Variants in SAMMSON observed in about 807,000 individuals in gnomAD.
The protein encoded by SAMMSON is survival associated mitochondrial melanoma specific oncogenic non-coding RNA.
chr3:70,074,324 C>G (rs1389424705), intron 4 of SAMMSON, among the ~76,000 whole-genome samples: 6 of 151,970 alleles, frequency 3.9e-5, no homozygotes, highest in African/African-American at 1.2e-4. Context: ...AAAGCTTGAG[C>G]CAAATTTCAA....
At chr3:70,086,768 A>C (rs2067286788) in intron 4 of SAMMSON, among the ~76,000 whole-genome samples, 1 of 152,186 alleles carries the variant, frequency 6.6e-6, no homozygotes, top group Non-Finnish European at 1.5e-5. Context: ...TCTCATACTG[A>C]TTATGATTAG....
intron 2 of SAMMSON, among the ~76,000 whole-genome samples, chr3:70,401,673 G>C (rs75039975): frequency 0.01 from 1,574 of 151,948 alleles, 13 homozygotes; most frequent in Non-Finnish European, 0.017. Flanking sequence ...TGAAAGTGTG[G>C]TTAAGATTTA....
intron 3 of SAMMSON, among the ~76,000 whole-genome samples, chr3:70,055,348 G>A (rs2067163076): frequency 6.6e-6 from 1 of 152,136 alleles, no homozygotes; most frequent in East Asian, 1.9e-4. Context: ...TCTGATCCAT[G>A]AATTTGTCTA....
chr3:70,336,193 T>C (rs748364802), intron 7 of SAMMSON, among the ~76,000 whole-genome samples: 2 of 152,180 alleles, frequency 1.3e-5, no homozygotes, highest in East Asian at 3.9e-4. Context: ...ATCATGGCTT[T>C]AGCTTGAAAA....
rs930519424 is a variant in SAMMSON, at chr3:70,383,360, C to A, written n.914-6214C>A. ...TTAAAATAAAAATAAAAAAAAAAAA[C>A]AACCTTATGGTCCTCCTTTTAGCTA... On this transcript the variant is annotated intron_variant and non_coding_transcript_variant, in intron 9 of 9. Coordinates refer to ENST00000642114, the Ensembl canonical transcript of SAMMSON. Among the ~76,000 whole-genome samples, 26 of 127,132 alleles carry A rather than the reference C, an allele frequency of 2.0e-4. 1 individual carries two copies. Among genetic ancestry groups the A allele is most frequent in the Admixed American group, 1.4e-3 (18 of 12,712 alleles). The allele number at this position is 127,132 out of a possible 152,430, so 83.4% of individuals were successfully genotyped here. A position where few individuals can be genotyped will look rare whatever the true frequency, so the allele number is the denominator to read the frequency against.
intron 6 of SAMMSON, among the ~76,000 whole-genome samples, chr3:70,278,351 C>T (rs571655546): frequency 2.0e-5 from 3 of 152,072 alleles, no homozygotes; most frequent in Non-Finnish European, 4.4e-5. Context: ...AGGCTGTTCC[C>T]AGTAGTTGGA....
chr3:70,168,046 T>C (rs987818083), intron 4 of SAMMSON, among the ~76,000 whole-genome samples: 4 of 152,118 alleles, frequency 2.6e-5, no homozygotes, highest in Middle Eastern at 6.8e-3. Context: ...TAAAGCATTG[T>C]TTCCATGGCC....
chr3:70,217,492 T>A (rs889284191), intron 4 of SAMMSON, among the ~76,000 whole-genome samples: 4 of 152,170 alleles, frequency 2.6e-5, no homozygotes, highest in Non-Finnish European at 4.4e-5. Context: ...GGGAGAAGTT[T>A]GTCTATGCTC....
chr3:70,340,046 C>T (rs1304725148), intron 7 of SAMMSON, among the ~76,000 whole-genome samples: 2 of 151,982 alleles, frequency 1.3e-5, no homozygotes, highest in Non-Finnish European at 2.9e-5. Context: ...AAATGTGGCA[C>T]ATATACACCA....
chr3:70,174,323 T>C (rs891744975), intron 4 of SAMMSON, among the ~76,000 whole-genome samples: 2 of 151,972 alleles, frequency 1.3e-5, no homozygotes, highest in African/African-American at 4.8e-5. Flanking sequence ...TAATCACATG[T>C]TGATATATTT....
intron 9 of SAMMSON, chr3:70,358,451 G>A (rs1399417231): frequency 1.3e-5 from 2 of 152,148 alleles, no homozygotes; most frequent in Non-Finnish European, 2.9e-5. Flanking sequence ...CGGTATAAGA[G>A]TTAAAGGAAT....
At chr3:70,043,256 T>C (rs2067112302) in intron 3 of SAMMSON, among the ~76,000 whole-genome samples, 2 of 152,092 alleles carry the variant, frequency 1.3e-5, no homozygotes, top group Admixed American at 1.3e-4. Flanking sequence ...CCACCCCAAA[T>C]TGTTTTATCA....
intron 6 of SAMMSON, among the ~76,000 whole-genome samples, chr3:70,269,457 C>T (rs1043788612): frequency 1.3e-5 from 2 of 152,136 alleles, no homozygotes; most frequent in Non-Finnish European, 2.9e-5. Context: ...TCAAGTAAGG[C>T]AAATGCTGAA....
intron 3 of SAMMSON, among the ~76,000 whole-genome samples, chr3:70,034,425 A>G (rs1283827695): frequency 6.6e-6 from 1 of 152,222 alleles, no homozygotes; most frequent in Non-Finnish European, 1.5e-5. Flanking sequence ...AGATACTGCC[A>G]TTGATAAGAG....
At chr3:70,052,511 G>C (rs2067150316) in intron 3 of SAMMSON, among the ~76,000 whole-genome samples, 1 of 152,084 alleles carries the variant, frequency 6.6e-6, no homozygotes, top group Non-Finnish European at 1.5e-5. Flanking sequence ...TTTGTACACT[G>C]CATGTATGCT....
At chr3:70,141,428 A>G (rs1559522084) in intron 4 of SAMMSON, among the ~76,000 whole-genome samples, 1 of 152,134 alleles carries the variant, frequency 6.6e-6, no homozygotes, top group African/African-American at 2.4e-5. Context: ...TTTGTGTTCT[A>G]TTTGGGCCCT....
At chr3:70,126,150 G>A in intron 4 of SAMMSON, 5 of 1,244,126 alleles carry the variant, frequency 4.0e-6, no homozygotes, top group South Asian at 1.3e-5. Flanking sequence ...TATACTTGAG[G>A]CATGAATTAA....
chr3:70,018,490 G>T (rs370588189), intron 3 of SAMMSON, among the ~76,000 whole-genome samples: 63 of 151,876 alleles, frequency 4.1e-4, no homozygotes, highest in East Asian at 9.7e-4. Context: ...TATTAGTCTT[G>T]CTAGCAGTCT....
intron 3 of SAMMSON, among the ~76,000 whole-genome samples, chr3:70,040,370 C>G (rs1410452171): frequency 5.3e-5 from 8 of 152,102 alleles, no homozygotes; most frequent in African/African-American, 1.2e-4. Flanking sequence ...AACTACGGTG[C>G]AGAAAGGTTA....
Sources: allele counts gnomAD v4.1 joint callset (sites outside exome capture counted in the v4.1 genomes callset), GRCh38; gene constraint gnomAD v4.1.1; transcripts MANE v1.5; gene names NCBI Gene and HGNC (gene_info 2026-07-23, HGNC 2026-07-21).